Variants in KCNN3 observed in about 807,000 individuals in gnomAD.
KCNN3 encodes potassium calcium-activated channel subfamily N member 3, also known as small conductance calcium-activated potassium channel protein 3.
KCNN3 carries 16 observed loss-of-function variants against 62.9 expected under a neutral mutation model. That is an observed-to-expected ratio of 0.25 (90% CI 0.17 to 0.39). KCNN3 has a LOEUF of 0.39. Ranked by LOEUF, KCNN3 falls within the 10% of genes least tolerant of loss-of-function variation. The pLI, the probability that KCNN3 is intolerant of heterozygous loss-of-function variation, is 1.00. For synonymous variants in KCNN3, 370 were observed against 389.2 expected (o/e 0.95, Z 0.58); for missense variants, 599 against 949.4 (o/e 0.63, Z 4.85).
chr1:154,714,193 GGT>G (rs1304833279), intron 6 of KCNN3, among the ~76,000 whole-genome samples: 12 of 116,502 alleles, frequency 1.0e-4, no homozygotes, highest in African/African-American at 3.7e-4. Context: ...GTGTGTGTGT[GGT>G]GTGTGTGTCG....
chr1:154,714,146 GT>G (rs1432699508), intron 6 of KCNN3, among the ~76,000 whole-genome samples: 2 of 137,944 alleles, frequency 1.4e-5, no homozygotes, highest in Non-Finnish European at 3.1e-5. Context: ...TGGTGTTTGT[GT>G]GTGGTATGTA....
chr1:154,811,841 A>G (rs141897962), intron 2 of KCNN3, among the ~76,000 whole-genome samples: 6 of 152,366 alleles, frequency 3.9e-5, no homozygotes, highest in Admixed American at 3.3e-4. Context: ...TAAAGATTCA[A>G]CAGTGCCTTC....
At chr1:154,866,573 T>C (rs746064581) in intron 1 of KCNN3, among the ~76,000 whole-genome samples, 7 of 152,200 alleles carry the variant, frequency 4.6e-5, no homozygotes, top group Non-Finnish European at 7.3e-5. Context: ...CAAGGCCTGG[T>C]ACATAGGAGA....
chr1:154,715,107 G>C (rs1345037404), intron 5 of KCNN3, 104 bp from the exon 6 acceptor site: 44 of 1,399,544 alleles, frequency 3.1e-5, no homozygotes, highest in Non-Finnish European at 3.8e-5. Context: ...ATTTTGCAAT[G>C]ATCTATTTTC....
chr1:154,725,856 C>G, intron 5 of KCNN3, 60 bp downstream of exon 5: 2 of 1,308,714 alleles, frequency 1.5e-6, no homozygotes, highest in Non-Finnish European at 2.2e-6. Flanking sequence ...CATTTGCTTT[C>G]TGATTGGCTT....
In KCNN3 at chr1:154,772,373, G is replaced by A. The variant is rs1174250735; in HGVS notation, c.1050C>T (p.Gly350=). 7 of 1,614,162 alleles carry A rather than the reference G, an allele frequency of 4.3e-6. No homozygotes were observed. The highest frequency in any genetic ancestry group is 1.7e-5 in the Admixed American group (1 of 60,028). The part of the protein sequence containing the change: ...REVQLFVIDN[G]ADDWRIAMTY... ...TCATGGCTATCCGCCAGTCATCCGCGCCATTGTCGATCACGAAGAGCTGGT... is the reference window on the plus strand; with the variant it reads ...TCATGGCTATCCGCCAGTCATCCGCACCATTGTCGATCACGAAGAGCTGGT... The change falls in exon 3 of 8, where the codon GGC becomes GGT. Residue 350 remains glycine, a synonymous_variant. Transcript: ENST00000271915. The surrounding 1 kb of genome is among the most constrained non-coding windows in gnomAD (Gnocchi z 5.6).
intron 1 of KCNN3, among the ~76,000 whole-genome samples, chr1:154,853,318 GGTTTTTGTTTTCTGTTTTT>G (rs1652379908): frequency 2.6e-5 from 4 of 151,824 alleles, no homozygotes; most frequent in Admixed American, 2.6e-4. Flanking sequence ...TTTTATTTGT[GGTTTTTGTTTTCTGTTTTT>G]GTTTTTGTTT....
chr1:154,847,042 C>G (rs867814757), intron 1 of KCNN3, among the ~76,000 whole-genome samples: 2 of 151,994 alleles, frequency 1.3e-5, no homozygotes, highest in South Asian at 2.1e-4. Flanking sequence ...CCCCTCACCC[C>G]CCTCCCTGAG....
At chr1:154,804,972 C>T (rs1407649486) in intron 2 of KCNN3, among the ~76,000 whole-genome samples, 1 of 152,144 alleles carries the variant, frequency 6.6e-6, no homozygotes, top group Non-Finnish European at 1.5e-5. Flanking sequence ...CAAGGAAAGA[C>T]TCTATAGAAA....
At chr1:154,779,303 G>T (rs1445287741) in intron 2 of KCNN3, among the ~76,000 whole-genome samples, 2 of 152,192 alleles carry the variant, frequency 1.3e-5, no homozygotes, top group Admixed American at 1.3e-4. Context: ...GAAAAGCCAG[G>T]TCATGTGCCT....
chr1:154,724,177 T>C (rs1700413779), intron 5 of KCNN3, among the ~76,000 whole-genome samples: 1 of 152,204 alleles, frequency 6.6e-6, no homozygotes, highest in South Asian at 2.1e-4. Flanking sequence ...ACACCATAAA[T>C]AATTCTGCTG....
In KCNN3 at chr1:154,700,834, A is replaced by G. The variant is rs990439060; in HGVS notation, c.*7142T>C. On this transcript the variant is annotated 3_prime_UTR_variant, in exon 8 of 8. Coordinates refer to ENST00000271915, the MANE Select transcript of KCNN3 (RefSeq NM_002249.6). ...ATAATAATAATAATTTTAAAAAAGA[A>G]AAAATCATTTAGTAGCAAAAAAAAG... 2 of 152,266 alleles carry G rather than the reference A, an allele frequency of 1.3e-5. No individual in the cohort carries two copies. The highest frequency in any genetic ancestry group is 2.1e-4 in the South Asian group (1 of 4,828). The allele number at this position is 152,266 out of a possible 1,614,324, so 9.4% of individuals were successfully genotyped here. A position where few individuals can be genotyped will look rare whatever the true frequency, so the allele number is the denominator to read the frequency against.
At chr1:154,770,396 G>T (rs567413932) in intron 3 of KCNN3, among the ~76,000 whole-genome samples, 2 of 152,308 alleles carry the variant, frequency 1.3e-5, no homozygotes, top group South Asian at 4.1e-4. Context: ...TAGGAGATAC[G>T]ATTCAAGGCA....
intron 1 of KCNN3, among the ~76,000 whole-genome samples, chr1:154,857,488 G>A (rs1205728739): frequency 1.3e-5 from 2 of 151,770 alleles, no homozygotes; most frequent in Non-Finnish European, 2.9e-5. Flanking sequence ...CTCTGGGGGA[G>A]GCTGGCAGGG....
chr1:154,738,867 C>T (rs1700769407), intron 3 of KCNN3, among the ~76,000 whole-genome samples: 1 of 152,154 alleles, frequency 6.6e-6, no homozygotes, highest in Non-Finnish European at 1.5e-5. Flanking sequence ...TACTACAAGG[C>T]TCAACTATGA....
chr1:154,794,524 G>T (rs1557979712), intron 2 of KCNN3, among the ~76,000 whole-genome samples: 1 of 152,204 alleles, frequency 6.6e-6, no homozygotes, highest in Admixed American at 6.5e-5. Context: ...TCTGAGAGGA[G>T]AAAAAACTTG....
chr1:154,766,416 T>TTAAAAATA (rs1553231995), intron 3 of KCNN3, among the ~76,000 whole-genome samples: 1 of 71,812 alleles, frequency 1.4e-5, no homozygotes. Context: ...TAGCCAGGCT[T>TTAAAAATA]TATATATATA....
At chr1:154,793,293 A>T (rs1649594057) in intron 2 of KCNN3, among the ~76,000 whole-genome samples, 1 of 152,056 alleles carries the variant, frequency 6.6e-6, no homozygotes, top group Admixed American at 6.6e-5. Context: ...CTTGTGCACC[A>T]CCCCTCCTCT....
chr1:154,804,543 C>T lies in KCNN3; in HGVS notation c.1029+17546G>A, dbSNP rs114269276. ...TCCCTTCTCCTTACCAGCCCTCTCC[C>T]TCCCAAGACCATGAACTATTTGAAG... On this transcript the variant is annotated intron_variant, in intron 2 of 7. Transcript: ENST00000271915. Among the ~76,000 whole-genome samples the T allele has an allele frequency of 7.2e-3, 1,095 of 152,286 alleles. 10 individuals are homozygous for T. Among genetic ancestry groups the T allele is most frequent in the African/African-American group, 0.025 (1,040 of 41,556 alleles).
Sources: allele counts gnomAD v4.1 joint callset (sites outside exome capture counted in the v4.1 genomes callset), GRCh38; gene constraint gnomAD v4.1.1; non-coding constraint Gnocchi (gnomAD v3.1); transcripts MANE v1.5; gene names NCBI Gene and HGNC (gene_info 2026-07-23, HGNC 2026-07-21).